LRMDA: variants seen among roughly 807,000 people sequenced by gnomAD.
LRMDA encodes leucine-rich melanocyte differentiation-associated protein.
LRMDA carries 18 observed loss-of-function variants against 29.8 expected under a neutral mutation model. The ratio of observed to expected loss-of-function variants is 0.60; its 90% CI spans 0.42 to 0.90. LRMDA has a LOEUF of 0.90. LRMDA is among the 40% of genes least tolerant of loss of function. LRMDA has a pLI of 0.00. For missense variants in LRMDA, 273 were observed against 273.9 expected (o/e 1.00, Z 0.02); for synonymous variants, 125 against 109.4 (o/e 1.14, Z -0.89).
At chr10:76,303,350 G>A (rs527910696) in intron 5 of LRMDA, among the ~76,000 whole-genome samples, 10 of 152,074 alleles carry the variant, frequency 6.6e-5, no homozygotes, top group East Asian at 3.9e-4. Flanking sequence ...ACCTGACTGC[G>A]TCAAAAAATA....
chr10:75,668,217 C>T (rs1841847377), intron 2 of LRMDA, among the ~76,000 whole-genome samples: 1 of 152,188 alleles, frequency 6.6e-6, no homozygotes, highest in Non-Finnish European at 1.5e-5. Context: ...GTTCTGTTGA[C>T]CACGTAAGGC....
intron 2 of LRMDA, among the ~76,000 whole-genome samples, chr10:75,605,522 T>C (rs912809877): frequency 6.6e-6 from 1 of 152,172 alleles, no homozygotes; most frequent in African/African-American, 2.4e-5. Context: ...AAGTTAAACA[T>C]ATTGAAAGGC....
intron 2 of LRMDA, among the ~76,000 whole-genome samples, chr10:75,584,316 TC>T (rs1350267197): frequency 3.9e-5 from 6 of 152,006 alleles, no homozygotes; most frequent in African/African-American, 1.2e-4. Flanking sequence ...TTATTCTACC[TC>T]CCCCCTAGAA....
intron 6 of LRMDA, among the ~76,000 whole-genome samples, chr10:76,330,020 G>A (rs1840885520): frequency 6.6e-6 from 1 of 152,194 alleles, no homozygotes; most frequent in Non-Finnish European, 1.5e-5. Flanking sequence ...AAATGTTTGG[G>A]ATGGGGAGAT....
chr10:76,507,728 C>A (rs1269696978), intron 6 of LRMDA, among the ~76,000 whole-genome samples: 2 of 152,020 alleles, frequency 1.3e-5, no homozygotes, highest in African/African-American at 4.8e-5. Context: ...TCCAGTTTTT[C>A]CCACACCAAT....
intron 5 of LRMDA, among the ~76,000 whole-genome samples, chr10:76,248,848 C>T (rs1322565): frequency 0.048 from 7,358 of 152,226 alleles, 573 homozygotes; most frequent in African/African-American, 0.17. Flanking sequence ...ATTAATATGA[C>T]ATTGGCCATA....
At chr10:76,084,440 C>A (rs1240456079) in intron 5 of LRMDA, among the ~76,000 whole-genome samples, 2 of 126,658 alleles carry the variant, frequency 1.6e-5, no homozygotes, top group Non-Finnish European at 3.1e-5. Context: ...GTCTTGAACT[C>A]CTGACCTCAA....
chr10:75,618,396 A>C (rs893606459), intron 2 of LRMDA, among the ~76,000 whole-genome samples: 40 of 145,152 alleles, frequency 2.8e-4, no homozygotes, highest in East Asian at 1.4e-3. Flanking sequence ...ATATATATAT[A>C]TATATATATA....
In LRMDA at chr10:76,369,669, C is replaced by T. The variant is rs138634211; in HGVS notation, c.601+45184C>T. Among the ~76,000 whole-genome samples, 774 of 152,146 alleles carry T rather than the reference C, an allele frequency of 5.1e-3. 2 individuals are homozygous for T. Among genetic ancestry groups the T allele is most frequent in the African/African-American group, 0.014 (584 of 41,516 alleles). ...TGGCTGTCTAGGTCTCTTGCAAGGCCGGGAGAGTTTGCTTTGATTATTCCC... is the reference window on the plus strand; with the variant it reads ...TGGCTGTCTAGGTCTCTTGCAAGGCTGGGAGAGTTTGCTTTGATTATTCCC... On this transcript the variant is annotated intron_variant, in intron 6 of 6. Coordinates refer to ENST00000611255, the MANE Select transcript of LRMDA (RefSeq NM_001305581.2).
chr10:75,682,211 C>A (rs559685049), intron 2 of LRMDA, among the ~76,000 whole-genome samples: 1 of 152,198 alleles, frequency 6.6e-6, no homozygotes, highest in Non-Finnish European at 1.5e-5. Flanking sequence ...TAACTGTGAA[C>A]GCTTTGAGAG....
At chr10:75,847,478 C>T (rs1844659522) in intron 2 of LRMDA, among the ~76,000 whole-genome samples, 1 of 152,146 alleles carries the variant, frequency 6.6e-6, no homozygotes, top group African/African-American at 2.4e-5. Flanking sequence ...ACCAAATGCA[C>T]AGGCAACAAA....
At chr10:75,698,015 A>G (rs1828457578) in intron 2 of LRMDA, among the ~76,000 whole-genome samples, 2 of 152,166 alleles carry the variant, frequency 1.3e-5, no homozygotes. Flanking sequence ...TCTGGAGTAG[A>G]TACTCTTATT....
chr10:75,876,934 G>A (rs890879247), intron 2 of LRMDA, among the ~76,000 whole-genome samples: 2 of 152,138 alleles, frequency 1.3e-5, no homozygotes, highest in Non-Finnish European at 2.9e-5. Flanking sequence ...GGTCTGGGGC[G>A]GAGTGTGAAA....
intron 5 of LRMDA, among the ~76,000 whole-genome samples, chr10:76,316,375 C>T (rs1237827730): frequency 6.6e-6 from 1 of 152,232 alleles, no homozygotes. Context: ...CCGCAGCCAG[C>T]ACACCTGGCC....
At chr10:76,109,362 C>T (rs1849538360) in intron 5 of LRMDA, among the ~76,000 whole-genome samples, 1 of 152,216 alleles carries the variant, frequency 6.6e-6, no homozygotes, top group African/African-American at 2.4e-5. Context: ...ACAGCAAAAT[C>T]AATCAAGTCT....
intron 2 of LRMDA, among the ~76,000 whole-genome samples, chr10:75,592,567 G>A (rs537312803): frequency 1.9e-4 from 29 of 152,158 alleles, no homozygotes; most frequent in East Asian, 5.8e-4. Context: ...TTAATTCATC[G>A]GTAATGGGTA....
chr10:75,595,014 G>T (rs897107268), intron 2 of LRMDA, among the ~76,000 whole-genome samples: 1 of 152,004 alleles, frequency 6.6e-6, no homozygotes, highest in Non-Finnish European at 1.5e-5. Flanking sequence ...GTAGTTGTTT[G>T]TTTCTTCCTC....
chr10:75,965,030 T>TA (rs1389229756), intron 2 of LRMDA, among the ~76,000 whole-genome samples: 1 of 152,194 alleles, frequency 6.6e-6, no homozygotes, highest in African/African-American at 2.4e-5. Flanking sequence ...CCTCCCAAAG[T>TA]GCTGGGATTA....
chr10:76,211,078 G>A (rs1851625798), intron 5 of LRMDA, among the ~76,000 whole-genome samples: 2 of 152,148 alleles, frequency 1.3e-5, no homozygotes, highest in Admixed American at 6.5e-5. Flanking sequence ...TCCTGGGTAT[G>A]TGGGTCCCCC....
Sources: gnomAD v4.1 joint callset for allele counts (sites outside exome capture counted in the v4.1 genomes callset) on GRCh38, gnomAD v4.1.1 for gene constraint, MANE v1.5 for transcripts, NCBI Gene and HGNC (gene_info 2026-07-23, HGNC 2026-07-21) for gene names.